Variants in EPHB4 observed in about 807,000 individuals in gnomAD.
EPHB4 encodes EPH receptor B4.
A neutral mutation model predicts 110.6 loss-of-function variants in EPHB4; 50 were observed. The ratio of observed to expected loss-of-function variants is 0.45; its 90% CI spans 0.36 to 0.57. The LOEUF is 0.57. Among genes scored for constraint, EPHB4 ranks in the 20% least tolerant of loss-of-function variants. The pLI is 0.00. For synonymous variants in EPHB4, 592 were observed against 578.4 expected, an observed-to-expected ratio of 1.02 and a Z score of -0.34; for missense variants, 1,128 against 1,382.1, an observed-to-expected ratio of 0.82 and a Z score of 2.91.
chr7:100,815,730 T>C (rs1192146488), intron 8 of EPHB4, among the ~76,000 whole-genome samples: 1 of 152,180 alleles, frequency 6.6e-6, no homozygotes, highest in African/African-American at 2.4e-5. Context: ...CTCATGCCTG[T>C]AATCCCAGCA....
At chr7:100,823,103 G>A (rs777017891) in intron 3 of EPHB4, among the ~76,000 whole-genome samples, 1 of 152,140 alleles carries the variant, frequency 6.6e-6, no homozygotes, top group Non-Finnish European at 1.5e-5. Context: ...CCTGGGTAAC[G>A]TAGAAGACCC....
intron 14 of EPHB4, 33 bp downstream of exon 14, chr7:100,806,387 G>A (rs200890953): frequency 5.6e-6 from 9 of 1,594,226 alleles, no homozygotes; most frequent in Admixed American, 1.7e-5. Context: ...GAGAACACTC[G>A]AGGAAAGCTT....
At chr7:100,814,167 G>A in intron 8 of EPHB4, 146 bp from the exon 9 acceptor site, 1 of 810,400 alleles carries the variant, frequency 1.2e-6, no homozygotes, top group Admixed American at 3.1e-5. Flanking sequence ...AGCAGGCAAG[G>A]TCAGGGAACA....
intron 4 of EPHB4, among the ~76,000 whole-genome samples, chr7:100,821,556 A>G (rs538453987): frequency 5.1e-4 from 77 of 150,140 alleles, no homozygotes; most frequent in African/African-American, 1.8e-3. Context: ...TTAACTTGGG[A>G]GGCGGAGCTT....
In EPHB4 at chr7:100,805,544, G is replaced by A. The variant is rs2116413763; in HGVS notation, c.2635C>T (p.Arg879Trp). 3.3e-6 allele frequency: 5 copies of A among 1,527,782 alleles called. No homozygotes were observed. The highest frequency in any genetic ancestry group is 2.2e-5 in the Admixed American group (1 of 45,854). The allele number at this position is 1,527,782 out of a possible 1,614,324, so 94.6% of individuals were successfully genotyped here. The change falls in exon 15 of 17, where the codon CGG (arginine) becomes TGG (tryptophan). Residue 879 changes from arginine to tryptophan, a missense_variant. Arg to Trp is a moderately radical substitution (Grantham distance 101, BLOSUM62 -3). This residue lies in a region of EPHB4 where 209 missense variants were observed against 240.5 expected (regional missense o/e 0.87). Coordinates refer to ENST00000358173, the MANE Select transcript of EPHB4 (RefSeq NM_004444.5). ...ACGATTTTGAGGCTGGCGGGGTTCC[G>A]GATCATCTTGTCCAGGGCGCTGACC... ...QVVSALDKMI[R>W]NPASLKIVAR...
intron 4 of EPHB4, 60 bp from the exon 5 acceptor site, chr7:100,820,356 C>T (rs1252867102): frequency 1.3e-6 from 2 of 1,552,354 alleles, no homozygotes; most frequent in Non-Finnish European, 1.7e-6. Flanking sequence ...GCACGGTGGG[C>T]TCGGTGGCTC....
chr7:100,805,936 G>T (rs1812809320), intron 14 of EPHB4: 3 of 418,994 alleles, frequency 7.2e-6, no homozygotes, highest in Admixed American at 4.1e-5. Context: ...GCATCCTTCT[G>T]CGACCCAAAT....
chr7:100,817,126 TG>T, intron 8 of EPHB4, 65 bp downstream of exon 8: 1 of 1,281,118 alleles, frequency 7.8e-7, no homozygotes. Context: ...TTTGGAGACC[TG>T]GGGTCTTCCC....
rs1247118187 is a variant in EPHB4 at position 100,822,626 on chromosome 7, A to G, written c.453T>C (p.Pro151=). 7.5e-6 allele frequency: 12 copies of G among 1,597,652 alleles called. No individual in the cohort carries two copies. The highest frequency in any genetic ancestry group is 9.4e-6 in the Non-Finnish European group (11 of 1,169,766). The change falls in exon 4 of 17, where the codon CCT becomes CCC. Residue 151 remains proline, a synonymous_variant. Transcript: ENST00000358173. The surrounding 1 kb of genome is among the most constrained non-coding windows in gnomAD (Gnocchi z 4.7). ...TCACCTTCCCGGTGGCCTCGGCCCCAGGGCGCTTCCGGGTGAGATGCTCCG... is the reference window on the plus strand; with the variant it reads ...TCACCTTCCCGGTGGCCTCGGCCCCGGGGCGCTTCCGGGTGAGATGCTCCG... ...VAAEHLTRKR[P]GAEATGKVNV... is the part of the protein sequence containing the mutation.
intron 1 of EPHB4, among the ~76,000 whole-genome samples, chr7:100,826,634 T>G (rs1237222018): frequency 1.3e-5 from 2 of 151,914 alleles, no homozygotes; most frequent in Non-Finnish European, 2.9e-5. Context: ...GAGGTGGGAC[T>G]GGGACAGAAA....
chr7:100,817,168 C>T, intron 8 of EPHB4, 24 bp downstream of exon 8: 1 of 1,505,608 alleles, frequency 6.6e-7, no homozygotes, highest in Non-Finnish European at 8.8e-7. Context: ...CAACCCCCAC[C>T]CTCACCCCCT....
intron 6 of EPHB4, 41 bp from the exon 7 acceptor site, chr7:100,818,685 G>T (rs768278351): frequency 6.3e-7 from 1 of 1,580,526 alleles, no homozygotes; most frequent in East Asian, 2.3e-5. Context: ...GTGCATGGTA[G>T]CTCTGTCCCT....
chr7:100,805,073 C>T (rs886819658), intron 16 of EPHB4, 93 bp downstream of exon 16: 4 of 1,469,004 alleles, frequency 2.7e-6, no homozygotes, highest in Middle Eastern at 2.3e-4. Context: ...CATTGGCACC[C>T]GAAGCTGACC....
intron 14 of EPHB4, chr7:100,806,036 T>G (rs1167020308): frequency 7.0e-6 from 2 of 286,490 alleles, no homozygotes; most frequent in Non-Finnish European, 6.4e-6. Flanking sequence ...CTCAGCTCAC[T>G]GCAACCTCTG....
At chr7:100,810,008 G>A (rs1812894103) in intron 12 of EPHB4, among the ~76,000 whole-genome samples, 1 of 151,938 alleles carries the variant, frequency 6.6e-6, no homozygotes, top group Non-Finnish European at 1.5e-5. Context: ...CAGCACTGTG[G>A]GAGGCTGAGG....
chr7:100,812,459 C>T (rs761935259), intron 12 of EPHB4, among the ~76,000 whole-genome samples: 14 of 152,032 alleles, frequency 9.2e-5, no homozygotes, highest in Admixed American at 6.6e-4. Context: ...CATGGTGGTG[C>T]ATGCCTATAG....
At chr7:100,810,830 G>A (rs1247633613) in intron 12 of EPHB4, among the ~76,000 whole-genome samples, 2 of 152,166 alleles carry the variant, frequency 1.3e-5, no homozygotes, top group Non-Finnish European at 2.9e-5. Flanking sequence ...CAGCAGTGAA[G>A]GACATCTTTA....
Position 100,803,489 on chromosome 7 carries a change from C to T in EPHB4, c.2936G>A (p.Gly979Glu). 1 of 1,582,422 alleles carries T rather than the reference C, an allele frequency of 6.3e-7. No homozygotes were observed. Among genetic ancestry groups the T allele is most frequent in the East Asian group, 2.3e-5 (1 of 43,900 alleles). ...KSQAKPGTPG[G>E]TGGPAPQY The stretch of plus-strand genomic sequence containing the variant: ...GTACTGCGGGGCCGGTCCTCCTGTC[C>T]CACCCGGGGTTCCCGGCTTGGCCTG... Residue 979 changes from glycine to glutamate, a missense_variant, in exon 17 of 17, where the codon GGG becomes GAG. By Grantham distance (98) the Gly-to-Glu change is moderately conservative. This residue lies in a region of EPHB4 where 209 missense variants were observed against 240.5 expected (regional missense o/e 0.87). Transcript: ENST00000358173.
intron 1 of EPHB4, chr7:100,825,605 G>C (rs780746386): frequency 3.3e-5 from 5 of 152,206 alleles, no homozygotes; most frequent in Non-Finnish European, 7.3e-5. Context: ...CTTCGCTTTC[G>C]GCCTCCACTT....
Sources: gnomAD v4.1 joint callset for allele counts (sites outside exome capture counted in the v4.1 genomes callset) on GRCh38, gnomAD v4.1.1 for gene constraint, gnomAD v4.1.1 regional missense constraint, Gnocchi (gnomAD v3.1) non-coding constraint, MANE v1.5 for transcripts, NCBI Gene and HGNC (gene_info 2026-07-23, HGNC 2026-07-21) for gene names.